The following PRH1 variants were observed in gnomAD, a reference collection of about 807,000 sequenced individuals.
The protein encoded by PRH1 is salivary acidic proline-rich phosphoprotein 1/2.
In PRH1, 7 loss-of-function variants were observed where a neutral mutation model predicts 7.9. That is an observed-to-expected ratio of 0.89 (90% CI 0.50 to 1.67). The LOEUF (loss-of-function observed/expected upper bound fraction) is 1.67, where lower values mean the gene tolerates loss of function less well. PRH1 is among the 40% of genes most tolerant of loss of function. The probability of loss-of-function intolerance (pLI) is 0.00; values close to 1 mark genes in which losing one functional copy is unlikely to be tolerated. For synonymous variants in PRH1, 45 were observed against 80.8 expected, an observed-to-expected ratio of 0.56 and a Z score of 2.38; for missense variants, 109 against 223.6, an observed-to-expected ratio of 0.49 and a Z score of 3.27.
intron 2 of PRH1, among the ~76,000 whole-genome samples, chr12:10,971,243 A>C (rs1938801313): frequency 1.3e-5 from 2 of 152,222 alleles, no homozygotes; most frequent in Admixed American, 1.3e-4. Context: ...CATATGTTTC[A>C]CTTTAGAGTT....
intron 1 of PRH1, among the ~76,000 whole-genome samples, chr12:11,007,228 T>C (rs566300634): frequency 6.6e-6 from 1 of 152,238 alleles, no homozygotes; most frequent in African/African-American, 2.4e-5. Context: ...AGAAGGCCAA[T>C]ACGCCTTAAA....
chr12:10,962,625 C>G (rs1161394862), intron 2 of PRH1, among the ~76,000 whole-genome samples: 1 of 152,254 alleles, frequency 6.6e-6, no homozygotes, highest in Non-Finnish European at 1.5e-5. Flanking sequence ...TTCATTTTCA[C>G]TGGTTCACCA....
intron 2 of PRH1, among the ~76,000 whole-genome samples, chr12:10,913,566 A>G (rs1349686654): frequency 6.6e-6 from 1 of 152,210 alleles, no homozygotes; most frequent in East Asian, 1.9e-4. Context: ...CTTTGTTATT[A>G]GGATTTAGAT....
intron 1 of PRH1, among the ~76,000 whole-genome samples, chr12:11,009,354 G>C (rs1940969192): frequency 6.6e-6 from 1 of 151,762 alleles, no homozygotes; most frequent in Non-Finnish European, 1.5e-5. Flanking sequence ...TTGATGTCCT[G>C]TGTCATTTTA....
chr12:10,946,431 G>A (rs1310039480), intron 2 of PRH1, among the ~76,000 whole-genome samples: 2 of 152,202 alleles, frequency 1.3e-5, no homozygotes, highest in Non-Finnish European at 2.9e-5. Flanking sequence ...TGTCTGCACA[G>A]AGGTGTTTAC....
At chr12:10,908,401 A>T in intron 2 of PRH1, 1 of 1,612,474 alleles carries the variant, frequency 6.2e-7, no homozygotes, top group East Asian at 2.2e-5. Context: ...CGTTTAGCCC[A>T]TACCTTAGCT....
At chr12:11,013,398 T>A (rs1418107064) in intron 1 of PRH1, among the ~76,000 whole-genome samples, 1 of 152,152 alleles carries the variant, frequency 6.6e-6, no homozygotes, top group Non-Finnish European at 1.5e-5. Context: ...AATATCCACA[T>A]GCATAAAGAT....
At chr12:11,070,207 C>T (rs1216283918) in intron 1 of PRH1, among the ~76,000 whole-genome samples, 1 of 152,158 alleles carries the variant, frequency 6.6e-6, no homozygotes, top group East Asian at 1.9e-4. Context: ...TGGTAGTCAG[C>T]AGCTCAGGAA....
chr12:10,987,542 AAGAGAG>A (rs143040427), intron 1 of PRH1, among the ~76,000 whole-genome samples: 20 of 147,498 alleles, frequency 1.4e-4, no homozygotes, highest in South Asian at 1.1e-3. Context: ...CAAACACAGA[AAGAGAG>A]AGAGAGAGAG....
rs1181436674 is a variant in PRH1 at position 11,097,094 on chromosome 12, G to T, written n.124-49906C>A. 5 of 149,584 alleles carry T rather than the reference G, an allele frequency of 3.3e-5. 1 individual carries two copies. The highest frequency in any genetic ancestry group is 2.2e-3 in the Middle Eastern group (1 of 452). 9.3% of individuals were successfully genotyped at this position (149,584 alleles called of 1,614,324 possible). ...ATTACAGGCGTGAGCCACCGCGCCT[G>T]CCCTATGCTGTTTTAATTAGCAAAA... is the stretch of plus-strand genomic sequence containing the variant. On this transcript the variant is annotated intron_variant and non_coding_transcript_variant, in intron 1 of 4. Transcript: ENST00000541977.
At chr12:10,929,640 T>G (rs180839091) in intron 2 of PRH1, among the ~76,000 whole-genome samples, 1 of 152,258 alleles carries the variant, frequency 6.6e-6, no homozygotes, top group East Asian at 1.9e-4. Context: ...TTCAGGGAAG[T>G]GCAGCTGTGA....
At chr12:11,092,937 C>T (rs71443638) in intron 1 of PRH1, among the ~76,000 whole-genome samples, 60,995 of 112,768 alleles carry the variant, frequency 0.54, 26,381 homozygotes, top group East Asian at 0.95. Context: ...GAAAACATTC[C>T]TATTTTCAAA....
chr12:11,049,099 C>T, upstream of PRH1: 1 of 227,872 alleles, frequency 4.4e-6, no homozygotes, highest in Non-Finnish European at 8.9e-6. Context: ...ACTCTGGACA[C>T]CACCAGAGCA....
chr12:10,909,612 A>C, intron 2 of PRH1: 1 of 312,804 alleles, frequency 3.2e-6, no homozygotes, highest in Non-Finnish European at 5.9e-6. Flanking sequence ...ATTTGCAACC[A>C]TGCAAATAAA....
At chr12:11,113,418 C>T (rs992570600) in intron 1 of PRH1, among the ~76,000 whole-genome samples, 1 of 152,090 alleles carries the variant, frequency 6.6e-6, no homozygotes, top group African/African-American at 2.4e-5. Context: ...CACACATCTA[C>T]AACCATCTGA....
intron 1 of PRH1, among the ~76,000 whole-genome samples, chr12:11,038,007 A>G (rs1942514859): frequency 6.6e-6 from 1 of 152,246 alleles, no homozygotes; most frequent in African/African-American, 2.4e-5. Context: ...GCGCTTGTGC[A>G]CTCCAGCCTG....
intron 1 of PRH1, among the ~76,000 whole-genome samples, chr12:11,080,186 C>A (rs1591971803): frequency 8.3e-6 from 1 of 120,734 alleles, no homozygotes; most frequent in East Asian, 2.1e-4. Context: ...CAACCCTAAA[C>A]TCAATAGCTT....
intron 1 of PRH1, chr12:11,061,706 G>A (rs1309649553): frequency 1.6e-5 from 26 of 1,614,144 alleles, no homozygotes; most frequent in Non-Finnish European, 2.2e-5. Context: ...CAGATTAACA[G>A]CAGAAAAGAT....
chr12:11,059,848 C>A (rs1338004268), intron 1 of PRH1, among the ~76,000 whole-genome samples: 1 of 143,034 alleles, frequency 7.0e-6, no homozygotes, highest in Non-Finnish European at 1.6e-5. Context: ...CATCAGCTTA[C>A]CCATTTTATC....
Sources: allele counts gnomAD v4.1 joint callset (sites outside exome capture counted in the v4.1 genomes callset), GRCh38; gene constraint gnomAD v4.1.1; transcripts MANE v1.5; gene names NCBI Gene and HGNC (gene_info 2026-07-23, HGNC 2026-07-21).